FUT8: variants seen among roughly 807,000 people sequenced by gnomAD.
FUT8 encodes fucosyltransferase 8, also known as alpha-(1,6)-fucosyltransferase.
FUT8 carries 29 observed loss-of-function variants against 71.3 expected under a neutral mutation model. The ratio of observed to expected loss-of-function variants is 0.41; its 90% CI spans 0.30 to 0.55. FUT8 has a LOEUF of 0.55. FUT8 is among the 20% of genes least tolerant of loss of function. The pLI is 0.34. For missense variants in FUT8, 544 were observed against 702.1 expected (o/e 0.77, Z 2.55); for synonymous variants, 254 against 239.3 (o/e 1.06, Z -0.57).
chr14:65,640,638 T>C (rs1890780727), intron 6 of FUT8, among the ~76,000 whole-genome samples: 1 of 152,076 alleles, frequency 6.6e-6, no homozygotes, highest in South Asian at 2.1e-4. Flanking sequence ...TCATTTAGCT[T>C]TAAAGAATTT....
intron 1 of FUT8, among the ~76,000 whole-genome samples, chr14:65,414,792 A>C (rs1266597762): frequency 2.0e-5 from 3 of 152,216 alleles, no homozygotes; most frequent in African/African-American, 7.2e-5. Flanking sequence ...ACTTGCATAG[A>C]TTGCAGAAAC....
intron 2 of FUT8, among the ~76,000 whole-genome samples, chr14:65,482,249 AT>A (rs983301947): frequency 2.6e-5 from 4 of 151,414 alleles, no homozygotes; most frequent in African/African-American, 9.7e-5. Flanking sequence ...TGTCCTTTTG[AT>A]TTTTGTCAAA....
the FUT8 span, among the ~76,000 whole-genome samples, chr14:65,393,318 A>G: frequency 6.6e-6 from 1 of 152,192 alleles, no homozygotes; most frequent in Non-Finnish European, 1.5e-5. Flanking sequence ...GTGGCCCAAG[A>G]AAGCAGAAGG....
intron 6 of FUT8, among the ~76,000 whole-genome samples, chr14:65,646,988 C>T (rs1340073463): frequency 6.6e-6 from 1 of 152,070 alleles, no homozygotes; most frequent in African/African-American, 2.4e-5. Context: ...ATAAATTTGA[C>T]CTATCTAAAC....
chr14:65,479,558 C>A (rs768300525), intron 2 of FUT8: 1 of 152,120 alleles, frequency 6.6e-6, no homozygotes, highest in Non-Finnish European at 1.5e-5. Flanking sequence ...CCTTCCCTTT[C>A]TTCTTTCCTT....
At chr14:65,523,528 T>A (rs1179719777) in intron 2 of FUT8, among the ~76,000 whole-genome samples, 1 of 152,224 alleles carries the variant, frequency 6.6e-6, no homozygotes, top group Non-Finnish European at 1.5e-5. Context: ...GTAGGTTGCC[T>A]GTTCACTCTG....
At chr14:65,737,495 A>G (rs1051983910) in intron 10 of FUT8, among the ~76,000 whole-genome samples, 1 of 152,120 alleles carries the variant, frequency 6.6e-6, no homozygotes. Context: ...TTTGTCACCT[A>G]TTTTCTTATT....
At chr14:65,377,356 G>A in the FUT8 span, among the ~76,000 whole-genome samples, 54 of 152,098 alleles carry the variant, frequency 3.6e-4, no homozygotes, top group Non-Finnish European at 7.2e-4. Context: ...AGTAAATGGG[G>A]AGATAAGTGA....
intron 3 of FUT8, among the ~76,000 whole-genome samples, chr14:65,598,126 T>A (rs1325019623): frequency 6.6e-6 from 1 of 152,166 alleles, no homozygotes; most frequent in African/African-American, 2.4e-5. Context: ...CAGTAAGCTG[T>A]ATTTGCACCA....
intron 7 of FUT8, among the ~76,000 whole-genome samples, chr14:65,705,609 CT>C (rs1307316650): frequency 6.6e-5 from 10 of 152,090 alleles, no homozygotes; most frequent in Admixed American, 5.9e-4. Context: ...AATGTGTATC[CT>C]AGAAGTCCAG....
At chr14:65,393,448 C>T in the FUT8 span, among the ~76,000 whole-genome samples, 11 of 152,122 alleles carry the variant, frequency 7.2e-5, no homozygotes, top group African/African-American at 1.4e-4. Context: ...GGGAGCTCTT[C>T]GCCTCATGCC....
At chr14:65,436,274 T>C (rs563417550) in intron 1 of FUT8, among the ~76,000 whole-genome samples, 71 of 151,936 alleles carry the variant, frequency 4.7e-4, no homozygotes, top group African/African-American at 1.6e-3. Flanking sequence ...CAAGACCCTG[T>C]CTCAAAACAA....
At chr14:65,520,256 T>C (rs1433514791) in intron 2 of FUT8, among the ~76,000 whole-genome samples, 1 of 152,104 alleles carries the variant, frequency 6.6e-6, no homozygotes, top group Non-Finnish European at 1.5e-5. Context: ...AACGGAAGTT[T>C]TTAAGTTTTT....
chr14:65,670,494 A>G (rs990724382), intron 7 of FUT8, among the ~76,000 whole-genome samples: 1 of 152,138 alleles, frequency 6.6e-6, no homozygotes, highest in African/African-American at 2.4e-5. Flanking sequence ...CTACAGTGTG[A>G]CAGATACTGA....
rs1019159853 is a variant in FUT8, at chr14:65,483,343, C to T, written c.-228+27625C>T. On this transcript the variant is annotated intron_variant, in intron 2 of 10. Transcript: ENST00000673929. The surrounding 1 kb of genome is among the most constrained non-coding windows in gnomAD (Gnocchi z 4.4). ...ACTCTTAAGAGTTCTCTTTATTTCT[C>T]ATTAGTTAATTAGCTGTTTCTCCAA... Among the ~76,000 whole-genome samples, 1 of 152,204 alleles carries T rather than the reference C, an allele frequency of 6.6e-6. No homozygotes were observed. The highest frequency in any genetic ancestry group is 2.4e-5 in the African/African-American group (1 of 41,460).
chr14:65,529,814 A>G (rs1439070447), intron 2 of FUT8, among the ~76,000 whole-genome samples: 1 of 152,190 alleles, frequency 6.6e-6, no homozygotes, highest in East Asian at 1.9e-4. Flanking sequence ...GGCAGTCTAG[A>G]GTAACATTTA....
chr14:65,618,045 ATATATATATG>A (rs1392957118), intron 5 of FUT8, among the ~76,000 whole-genome samples: 1 of 122,606 alleles, frequency 8.2e-6, no homozygotes, highest in African/African-American at 3.0e-5. Flanking sequence ...ATATATATAT[ATATATATATG>A]TATGTATATA....
At chr14:65,630,145 AAGG>A (rs1205624419) in intron 6 of FUT8, among the ~76,000 whole-genome samples, 1 of 152,174 alleles carries the variant, frequency 6.6e-6, no homozygotes, top group Non-Finnish European at 1.5e-5. Context: ...GGTTGTGTGA[AAGG>A]AGGGATGGAG....
chr14:65,561,299 C>G (rs903022418), intron 2 of FUT8, 38 bp from the exon 3 acceptor site: 34 of 395,452 alleles, frequency 8.6e-5, no homozygotes, highest in African/African-American at 5.0e-4. Flanking sequence ...TTTTATATAC[C>G]TTAAATAATT....
Sources: gnomAD v4.1 joint callset for allele counts (sites outside exome capture counted in the v4.1 genomes callset) on GRCh38, gnomAD v4.1.1 for gene constraint, Gnocchi (gnomAD v3.1) non-coding constraint, MANE v1.5 for transcripts, NCBI Gene and HGNC (gene_info 2026-07-23, HGNC 2026-07-21) for gene names.